PPP1R12B: variants seen among roughly 807,000 people sequenced by gnomAD.
The protein encoded by PPP1R12B is myosin phosphatase target subunit 2.
In PPP1R12B, 76 loss-of-function variants were observed where a neutral mutation model predicts 126.1. The observed-to-expected ratio is 0.60, with a 90% CI of 0.50 to 0.73. The LOEUF is 0.73. Among genes scored for constraint, PPP1R12B ranks in the 30% least tolerant of loss-of-function variants. The pLI, the probability that PPP1R12B is intolerant of heterozygous loss-of-function variation, is 0.00. For missense variants in PPP1R12B, 1,052 were observed against 1,205.1 expected (o/e 0.87, Z 1.88); for synonymous variants, 356 against 434.7 (o/e 0.82, Z 2.25).
chr1:202,390,492 A>T (rs958344181), intron 1 of PPP1R12B, among the ~76,000 whole-genome samples: 8 of 152,164 alleles, frequency 5.3e-5, no homozygotes, highest in African/African-American at 1.9e-4. Flanking sequence ...CATAAAAATT[A>T]AAAGCTTTAT....
chr1:202,578,703 A>G (rs553690383), intron 23 of PPP1R12B, among the ~76,000 whole-genome samples: 1 of 152,366 alleles, frequency 6.6e-6, no homozygotes, highest in African/African-American at 2.4e-5. Flanking sequence ...CTCATTATGT[A>G]TGTCAACACA....
chr1:202,442,385 G>A, intron 11 of PPP1R12B, 62 bp from the exon 12 acceptor site: 2 of 1,562,006 alleles, frequency 1.3e-6, no homozygotes, highest in Non-Finnish European at 1.7e-6. Flanking sequence ...TCTCTGCATT[G>A]TATCATGGAC....
chr1:202,374,133 T>G (rs1291539525), intron 1 of PPP1R12B, among the ~76,000 whole-genome samples: 3 of 152,184 alleles, frequency 2.0e-5, no homozygotes, highest in Non-Finnish European at 2.9e-5. Flanking sequence ...GCTTTATAAC[T>G]ATATATCCAA....
intron 18 of PPP1R12B, among the ~76,000 whole-genome samples, chr1:202,552,916 G>A (rs1686469681): frequency 6.6e-6 from 1 of 152,144 alleles, no homozygotes; most frequent in Admixed American, 6.5e-5. Flanking sequence ...CTGAACTCCT[G>A]ATAACTTTCA....
intron 1 of PPP1R12B, among the ~76,000 whole-genome samples, chr1:202,351,014 T>G (rs1276052304): frequency 1.3e-5 from 2 of 152,146 alleles, no homozygotes; most frequent in African/African-American, 4.8e-5. Flanking sequence ...TTTCCATTTA[T>G]AGGGCTGACA....
intron 1 of PPP1R12B, among the ~76,000 whole-genome samples, chr1:202,377,999 C>T (rs532100666): frequency 1.0e-3 from 156 of 151,496 alleles, no homozygotes; most frequent in African/African-American, 3.4e-3. Context: ...CCACCTCGCC[C>T]GGCTAATTTT....
At chr1:202,571,255 A>G (rs201564666) in intron 23 of PPP1R12B, among the ~76,000 whole-genome samples, 2 of 152,318 alleles carry the variant, frequency 1.3e-5, no homozygotes, top group South Asian at 2.1e-4. Flanking sequence ...CTATCAGTCT[A>G]TGATTTCCTA....
rs1483503900 is a variant in PPP1R12B, at chr1:202,588,719, CCA to C, written c.*8162_*8163del. On this transcript the variant is annotated 3_prime_UTR_variant, in exon 24 of 24. Coordinates refer to ENST00000608999, the MANE Select transcript of PPP1R12B (RefSeq NM_002481.4). The stretch of plus-strand genomic sequence containing the variant: ...ATAGAGGCCCCTTCCCCAGGGACAG[CCA>C]CAGTGAGTCATGGCCACTGAGAAGG... The C allele has an allele frequency of 2.6e-5, 4 of 152,054 alleles. No homozygotes were observed. The highest frequency in any genetic ancestry group is 9.7e-5 in the African/African-American group (4 of 41,392). 9.4% of individuals were successfully genotyped at this position (152,054 alleles called of 1,614,324 possible). A position where few individuals can be genotyped will look rare whatever the true frequency, so the allele number is the denominator to read the frequency against.
rs1335459289 is a variant in PPP1R12B at position 202,515,723 on chromosome 1, CT to C, written c.2490+18906del. ...TGTGTGCCACCATGCCCAGCTAATT[CT>C]TTTTATTTTTTGTAGAGATGGAGTC... On this transcript the variant is annotated intron_variant, in intron 18 of 23. Transcript: ENST00000608999. 5.3e-5 allele frequency among the ~76,000 whole-genome samples: 8 copies of C among 152,108 alleles called. No homozygotes were observed. The South Asian group carries it at 1.7e-3, about 32-fold the overall frequency.
intron 20 of PPP1R12B, 23 bp downstream of exon 20, chr1:202,562,945 C>T (rs190178282): frequency 1.1e-4 from 174 of 1,536,668 alleles, no homozygotes; most frequent in Admixed American, 4.1e-4. Context: ...TTCAATTTTC[C>T]GGTTCTTTGG....
At chr1:202,405,502 T>C (rs1318963748) in intron 1 of PPP1R12B, among the ~76,000 whole-genome samples, 3 of 152,218 alleles carry the variant, frequency 2.0e-5, no homozygotes, top group Non-Finnish European at 4.4e-5. Context: ...CTGGAGATAA[T>C]ACAAGGGTAA....
intron 18 of PPP1R12B, among the ~76,000 whole-genome samples, chr1:202,546,891 A>G (rs1685701552): frequency 6.6e-6 from 1 of 152,230 alleles, no homozygotes; most frequent in African/African-American, 2.4e-5. Context: ...CCACAAGCAG[A>G]TAAGAGATAT....
intron 1 of PPP1R12B, among the ~76,000 whole-genome samples, chr1:202,364,547 T>A (rs1469800982): frequency 6.6e-6 from 1 of 151,632 alleles, no homozygotes; most frequent in Non-Finnish European, 1.5e-5. Flanking sequence ...CTGCCTCATT[T>A]TTTAATTTTT....
intron 18 of PPP1R12B, among the ~76,000 whole-genome samples, chr1:202,548,949 C>A (rs1334628075): frequency 1.3e-5 from 2 of 151,704 alleles, no homozygotes; most frequent in Non-Finnish European, 2.9e-5. Context: ...GGAGACCCTT[C>A]CCTGCCAAAA....
At chr1:202,361,912 C>T (rs1306311995) in intron 1 of PPP1R12B, among the ~76,000 whole-genome samples, 4 of 152,134 alleles carry the variant, frequency 2.6e-5, no homozygotes, top group Non-Finnish European at 5.9e-5. Flanking sequence ...TTGGGGCATT[C>T]ATATGGAGAT....
At chr1:202,353,585 T>TG (rs2148372862) in intron 1 of PPP1R12B, among the ~76,000 whole-genome samples, 2 of 119,366 alleles carry the variant, frequency 1.7e-5, no homozygotes, top group African/African-American at 6.3e-5. Flanking sequence ...ATTCTTCTTC[T>TG]TTGTGTGTGT....
intron 13 of PPP1R12B, chr1:202,473,933 T>C (rs577183776): frequency 1.7e-5 from 9 of 533,032 alleles, no homozygotes; most frequent in South Asian, 1.3e-4. Flanking sequence ...CGTTCTGCTA[T>C]GCAGGCCTGC....
chr1:202,399,698 G>A (rs1665533871), intron 1 of PPP1R12B, among the ~76,000 whole-genome samples: 3 of 151,838 alleles, frequency 2.0e-5, no homozygotes, highest in South Asian at 4.2e-4. Flanking sequence ...GGGTTTCACC[G>A]TGTTAACCAG....
At chr1:202,413,407 A>G (rs1401924272) in intron 1 of PPP1R12B, among the ~76,000 whole-genome samples, 1 of 152,164 alleles carries the variant, frequency 6.6e-6, no homozygotes, top group Non-Finnish European at 1.5e-5. Context: ...TGTAGTTACA[A>G]GGGCCCTCTA....
Sources: allele counts gnomAD v4.1 joint callset (sites outside exome capture counted in the v4.1 genomes callset), GRCh38; gene constraint gnomAD v4.1.1; transcripts MANE v1.5; gene names NCBI Gene and HGNC (gene_info 2026-07-23, HGNC 2026-07-21).